Variants in ARHGAP32 observed in about 807,000 individuals in gnomAD.
ARHGAP32 encodes the protein rho GTPase-activating protein 32.
ARHGAP32 carries 51 observed loss-of-function variants against 186.5 expected under a neutral mutation model. That is an observed-to-expected ratio of 0.27 (90% confidence interval 0.22 to 0.35). The LOEUF (loss-of-function observed/expected upper bound fraction) is 0.35, where lower values mean the gene tolerates loss of function less well. Ranked by LOEUF, ARHGAP32 falls within the 10% of genes least tolerant of loss-of-function variation. The pLI is 1.00. For synonymous variants in ARHGAP32, 950 were observed against 964.3 expected (o/e 0.99, Z 0.27); for missense variants, 2,186 against 2,623.5 (o/e 0.83, Z 3.64).
intron 6 of ARHGAP32, among the ~76,000 whole-genome samples, chr11:129,067,107 T>C (rs1940719265): frequency 6.6e-6 from 1 of 152,034 alleles, no homozygotes; most frequent in Admixed American, 6.6e-5. Context: ...CTACTGCTGG[T>C]CAAAATCCAC....
intron 10 of ARHGAP32, among the ~76,000 whole-genome samples, chr11:129,055,042 A>G (rs1940194443): frequency 6.6e-6 from 1 of 152,190 alleles, no homozygotes; most frequent in Admixed American, 6.5e-5. Flanking sequence ...CTTAGATCCT[A>G]CCCCACAACG....
At chr11:129,179,255 C>T (rs1406309191) in intron 1 of ARHGAP32, among the ~76,000 whole-genome samples, 4 of 152,192 alleles carry the variant, frequency 2.6e-5, no homozygotes, top group African/African-American at 4.8e-5. Context: ...TACCATCTCA[C>T]ACCAGTTAGA....
In ARHGAP32 at chr11:129,192,305, G is replaced by A. The variant is rs1240262392; in HGVS notation, c.-107C>T. 7 of 764,132 alleles carry A rather than the reference G, an allele frequency of 9.2e-6. No homozygotes were observed. The highest frequency in any genetic ancestry group is 1.3e-5 in the Non-Finnish European group (6 of 446,518). 47.3% of individuals were successfully genotyped at this position (764,132 alleles called of 1,614,324 possible). The stretch of plus-strand genomic sequence containing the variant: ...ATGTATACTCAGATGTGTGTCTGGT[G>A]CCCTAGTGACAGGTACTGGTGCTGG... On this transcript the variant is annotated 5_prime_UTR_variant, in exon 1 of 23. Coordinates refer to ENST00000682385, the MANE Select transcript of ARHGAP32 (RefSeq NM_001378024.1).
In ARHGAP32 at chr11:128,970,546, C is replaced by G. The variant is rs955709755; in HGVS notation, c.4667G>C (p.Arg1556Thr). 6.2e-7 allele frequency: 1 copy of G among 1,614,204 alleles called. No individual in the cohort carries two copies. Among genetic ancestry groups the G allele is most frequent in the East Asian group, 2.2e-5 (1 of 44,882 alleles). ...CTTGGAGTGGTGTCCAGATGCGTTT[C>G]TTCCTGGGGCCACATATGTGTTATA... ...LRYNTYVAPGRNASGHHSKPC... is the reference protein window; with the variant it reads ...LRYNTYVAPGTNASGHHSKPC... The change falls in exon 23 of 23, where the codon AGA becomes ACA. Residue 1556 changes from arginine (R) to threonine (T), a missense_variant. This residue lies in a region of ARHGAP32 where 1,502 missense variants were observed against 1,570.0 expected (regional missense o/e 0.96). Coordinates refer to ENST00000682385, the MANE Select transcript of ARHGAP32 (RefSeq NM_001378024.1). The surrounding 1 kb of genome is among the most constrained non-coding windows in gnomAD (Gnocchi z 5.8).
intron 1 of ARHGAP32, among the ~76,000 whole-genome samples, chr11:129,272,366 T>C (rs892252309): frequency 6.6e-6 from 1 of 152,176 alleles, no homozygotes; most frequent in Non-Finnish European, 1.5e-5. Context: ...CCTTTGCAGG[T>C]TGAATAATAT....
rs562406558 is a variant in ARHGAP32, at chr11:129,230,930, T to C, written c.-5+48216A>G. Reference sequence around the variant, plus strand: ...TGGGCGGATCACTTGAGGTCAGGAGTTCGAGACCAGCCTGGCCAACATGGT... The same window carrying C: ...TGGGCGGATCACTTGAGGTCAGGAGCTCGAGACCAGCCTGGCCAACATGGT... On this transcript the variant is annotated intron_variant, in intron 1 of 6. Coordinates refer to the ARHGAP32 transcript ENST00000525234. Among the ~76,000 whole-genome samples, 3 of 152,120 alleles carry C rather than the reference T, an allele frequency of 2.0e-5. No homozygotes were observed. In the South Asian group the frequency reaches 6.2e-4, roughly 32 times the overall value.
chr11:129,242,695 G>C lies in ARHGAP32; in HGVS notation c.-5+36451C>G, dbSNP rs1591714661. Among the ~76,000 whole-genome samples the C allele has an allele frequency of 2.0e-5, 3 of 151,110 alleles. No individual in the cohort carries two copies. In the East Asian group the frequency reaches 5.8e-4, roughly 29 times the overall value. On this transcript the variant is annotated intron_variant, in intron 1 of 6. Transcript: ENST00000525234. Reference sequence around the variant, plus strand: ...ATCACACCACTGCACTCCAGCCTGGGTGACAGAGCGAGACTCCACCTCAAA... The same window carrying C: ...ATCACACCACTGCACTCCAGCCTGGCTGACAGAGCGAGACTCCACCTCAAA...
At chr11:129,236,290 T>C (rs189322838) in intron 1 of ARHGAP32, among the ~76,000 whole-genome samples, 2 of 152,272 alleles carry the variant, frequency 1.3e-5, no homozygotes, top group Admixed American at 1.3e-4. Flanking sequence ...TATTGCACAG[T>C]GGTTTTGATT....
upstream of ARHGAP32, among the ~76,000 whole-genome samples, chr11:129,193,552 A>AT (rs1165952757): frequency 1.2e-3 from 19 of 16,066 alleles, 1 homozygote; most frequent in Non-Finnish European, 2.2e-3. Flanking sequence ...TATATATAAT[A>AT]TATATATATT....
intron 12 of ARHGAP32, among the ~76,000 whole-genome samples, chr11:128,991,746 T>G (rs960786328): frequency 1.3e-5 from 2 of 152,206 alleles, no homozygotes; most frequent in African/African-American, 4.8e-5. Context: ...CATTCTTAGT[T>G]TTTAAAATAT....
chr11:129,197,197 T>C (rs114614965), upstream of ARHGAP32, among the ~76,000 whole-genome samples: 982 of 152,334 alleles, frequency 6.4e-3, 16 homozygotes, highest in African/African-American at 0.023. Flanking sequence ...CACAGTTTTT[T>C]ATTTTCTCCT....
chr11:129,229,666 A>T (rs1265241141), intron 1 of ARHGAP32, among the ~76,000 whole-genome samples: 1 of 152,222 alleles, frequency 6.6e-6, no homozygotes, highest in Non-Finnish European at 1.5e-5. Flanking sequence ...GCTAGGGGCC[A>T]CAGGAAAACC....
In ARHGAP32 at chr11:128,972,564, G is replaced by C. The variant is rs1945411262; in HGVS notation, c.3942C>G (p.His1314Gln). The C allele has an allele frequency of 6.3e-7, 1 of 1,593,590 alleles. No homozygotes were observed. The highest frequency in any genetic ancestry group is 8.6e-7 in the Non-Finnish European group (1 of 1,168,966). Residue 1314 changes from histidine to glutamine, a missense_variant, in exon 22 of 23, where the codon CAC (histidine) becomes CAG (glutamine). His to Gln is a conservative substitution (Grantham distance 24). Transcript: ENST00000682385. ...GAGGGGGAAGGGGACGATTAGTTCTGTGCGTGCGCTGAAGTGTGGCAGCAG... is the reference window on the plus strand; with the variant it reads ...GAGGGGGAAGGGGACGATTAGTTCTCTGCGTGCGCTGAAGTGTGGCAGCAG... The part of the protein sequence containing the change: ...DFAAATLQRT[H>Q]RTNRPLPPPP...
At chr11:129,262,314 T>G (rs1366093938) in intron 1 of ARHGAP32, among the ~76,000 whole-genome samples, 3 of 152,064 alleles carry the variant, frequency 2.0e-5, no homozygotes, top group South Asian at 4.1e-4. Context: ...GTAGTAAATA[T>G]CTACTGAATT....
intron 2 of ARHGAP32, among the ~76,000 whole-genome samples, chr11:129,142,053 T>C (rs929111071): frequency 6.6e-6 from 1 of 152,198 alleles, no homozygotes; most frequent in African/African-American, 2.4e-5. Flanking sequence ...AAAATGCTTC[T>C]ATGAAGAAAT....
chr11:129,256,466 T>C (rs1670918808), intron 1 of ARHGAP32, among the ~76,000 whole-genome samples: 1 of 152,056 alleles, frequency 6.6e-6, no homozygotes, highest in Non-Finnish European at 1.5e-5. Context: ...TCAATATAGA[T>C]TATGTAGCAA....
intron 5 of ARHGAP32, among the ~76,000 whole-genome samples, chr11:129,100,820 A>T (rs773226970): frequency 1.1e-4 from 17 of 152,144 alleles, no homozygotes; most frequent in Non-Finnish European, 2.2e-4. Context: ...GTGCACAGTA[A>T]CCAACAGAGG....
intron 1 of ARHGAP32, among the ~76,000 whole-genome samples, chr11:129,251,241 TTC>T (rs1305388486): frequency 2.0e-5 from 3 of 152,194 alleles, no homozygotes; most frequent in Non-Finnish European, 4.4e-5. Context: ...CAAGCATCTC[TTC>T]TCTCTTTCAA....
At chr11:128,972,405 C>A in intron 22 of ARHGAP32, 48 bp downstream of exon 22, 1 of 1,487,672 alleles carries the variant, frequency 6.7e-7, no homozygotes, top group South Asian at 1.5e-5. Context: ...AAGTGACATA[C>A]CTTTGGTAAT....
Sources: gnomAD v4.1 joint callset for allele counts (sites outside exome capture counted in the v4.1 genomes callset) on GRCh38, gnomAD v4.1.1 for gene constraint, gnomAD v4.1.1 regional missense constraint, Gnocchi (gnomAD v3.1) non-coding constraint, MANE v1.5 for transcripts, NCBI Gene and HGNC (gene_info 2026-07-23, HGNC 2026-07-21) for gene names.